The following ABCC4 variants were observed in gnomAD, a reference collection of about 807,000 sequenced individuals.
ABCC4 encodes the protein ATP binding cassette subfamily C member 4 (PEL blood group).
A neutral mutation model predicts 168.5 loss-of-function variants in ABCC4; 102 were observed. The observed-to-expected ratio is 0.61, with a 90% CI of 0.52 to 0.71. The LOEUF is 0.71. ABCC4 is among the 30% of genes least tolerant of loss of function. ABCC4 has a pLI of 0.00. For synonymous variants in ABCC4, 617 were observed against 590.7 expected (o/e 1.04, Z -0.65); for missense variants, 1,402 against 1,605.8 (o/e 0.87, Z 2.17).
chr13:95,034,777 G>A, intron 29 of ABCC4, 38 bp from the exon 30 acceptor site: 13 of 1,612,876 alleles, frequency 8.1e-6, no homozygotes, highest in Non-Finnish European at 1.1e-5. Flanking sequence ...GAAACACAAT[G>A]TTTTGCAGTA....
At chr13:95,072,293 T>A (rs1388892897) in intron 24 of ABCC4, among the ~76,000 whole-genome samples, 4 of 152,140 alleles carry the variant, frequency 2.6e-5, no homozygotes, top group Non-Finnish European at 5.9e-5. Flanking sequence ...AAACCCCATT[T>A]CTACTAAAAA....
chr13:95,095,985 A>G (rs2034583456), intron 20 of ABCC4: 1 of 396,226 alleles, frequency 2.5e-6, no homozygotes, highest in South Asian at 1.2e-4. Context: ...CAATAAACAT[A>G]AAAAGATGAA....
intron 25 of ABCC4, 91 bp downstream of exon 25, chr13:95,071,571 G>A: frequency 1.8e-6 from 2 of 1,139,876 alleles, no homozygotes; most frequent in Non-Finnish European, 2.4e-6. Context: ...ACGTATCACT[G>A]ATCCCCTTCA....
At chr13:95,218,917 GAGAAAGAAAGAGAA>G (rs1566539337) in intron 4 of ABCC4, among the ~76,000 whole-genome samples, 19 of 36,080 alleles carry the variant, frequency 5.3e-4, no homozygotes, top group Middle Eastern at 9.6e-3. Context: ...GAGAGAGAGA[GAGAAAGAAAGAGAA>G]AGAAAGAAAG....
intron 26 of ABCC4, among the ~76,000 whole-genome samples, chr13:95,061,594 T>TTGTGTG (rs57517042): frequency 0.017 from 2,320 of 133,878 alleles, 24 homozygotes; most frequent in Non-Finnish European, 0.022. Flanking sequence ...GAATATGTGT[T>TTGTGTG]TGTGTGTGTG....
chr13:95,165,511 T>A (rs2037241572), intron 15 of ABCC4, among the ~76,000 whole-genome samples: 1 of 152,192 alleles, frequency 6.6e-6, no homozygotes, highest in Non-Finnish European at 1.5e-5. Flanking sequence ...GGCATGAGAT[T>A]CACATACTCT....
intron 1 of ABCC4, among the ~76,000 whole-genome samples, chr13:95,282,519 TTTTTC>T (rs1464245177): frequency 6.6e-6 from 1 of 151,862 alleles, no homozygotes; most frequent in African/African-American, 2.4e-5. Flanking sequence ...CTAAAGTATG[TTTTTC>T]TTTTATTTTT....
intron 18 of ABCC4, among the ~76,000 whole-genome samples, chr13:95,162,776 A>G (rs1403082827): frequency 1.3e-5 from 2 of 152,184 alleles, no homozygotes; most frequent in Non-Finnish European, 2.9e-5. Flanking sequence ...CAGGGTGGAG[A>G]TCCGTTTCTA....
At chr13:95,209,301 A>G in intron 6 of ABCC4, 133 bp downstream of exon 6, 5 of 1,084,396 alleles carry the variant, frequency 4.6e-6, no homozygotes, top group East Asian at 2.7e-5. Flanking sequence ...CCCTTGGCTG[A>G]GCCTGAAGAG....
intron 25 of ABCC4, among the ~76,000 whole-genome samples, chr13:95,070,644 G>C (rs2033692986): frequency 6.6e-6 from 1 of 152,116 alleles, no homozygotes; most frequent in Non-Finnish European, 1.5e-5. Context: ...CCTCCAGCTT[G>C]GGGGTCTGAT....
intron 30 of ABCC4, 68 bp from the exon 31 acceptor site, chr13:95,021,750 G>T (rs964743767): frequency 6.7e-6 from 7 of 1,048,926 alleles, no homozygotes; most frequent in Admixed American, 2.1e-5. Flanking sequence ...CTGAAACAAT[G>T]CACTTCTGTG....
At chr13:95,081,074 G>A (rs940323643) in intron 21 of ABCC4, among the ~76,000 whole-genome samples, 2 of 152,178 alleles carry the variant, frequency 1.3e-5, no homozygotes, top group Admixed American at 6.5e-5. Flanking sequence ...CTGAGCGCAT[G>A]GAGAAAGAAT....
At chr13:95,255,490 G>A (rs375959205) in intron 1 of ABCC4, among the ~76,000 whole-genome samples, 2 of 152,128 alleles carry the variant, frequency 1.3e-5, no homozygotes, top group East Asian at 1.9e-4. Flanking sequence ...AATGGATCTC[G>A]CGTGAGGGTA....
At chr13:95,049,106 G>A (rs1465448628) in intron 27 of ABCC4, among the ~76,000 whole-genome samples, 1 of 152,166 alleles carries the variant, frequency 6.6e-6, no homozygotes, top group African/African-American at 2.4e-5. Context: ...GGCCGAGACA[G>A]GCAGATCACT....
intron 19 of ABCC4, among the ~76,000 whole-genome samples, chr13:95,157,901 T>C (rs2036927932): frequency 6.6e-6 from 1 of 151,456 alleles, no homozygotes; most frequent in African/African-American, 2.4e-5. Flanking sequence ...GAAACCCGTC[T>C]CTACTAAAAA....
intron 1 of ABCC4, among the ~76,000 whole-genome samples, chr13:95,279,504 CTG>C (rs956041510): frequency 5.3e-5 from 8 of 152,130 alleles, no homozygotes; most frequent in African/African-American, 1.9e-4. Flanking sequence ...AGGTAGGAAA[CTG>C]TTCACGAAAA....
chr13:95,052,693 CTA>C (rs1325280330), intron 27 of ABCC4, among the ~76,000 whole-genome samples: 2 of 151,668 alleles, frequency 1.3e-5, no homozygotes, highest in Non-Finnish European at 2.9e-5. Context: ...TAAATATGAT[CTA>C]TCTTTTAGTT....
intron 1 of ABCC4, among the ~76,000 whole-genome samples, chr13:95,262,868 C>G (rs537902358): frequency 1.3e-5 from 2 of 152,336 alleles, no homozygotes; most frequent in East Asian, 3.9e-4. Context: ...CTGCTGACCT[C>G]AAGCAATCCA....
intron 1 of ABCC4, among the ~76,000 whole-genome samples, chr13:95,256,652 G>C (rs2040399857): frequency 6.6e-6 from 1 of 152,106 alleles, no homozygotes; most frequent in East Asian, 1.9e-4. Context: ...CAGCTACTCA[G>C]GAGACTGAGG....
Sources: allele counts gnomAD v4.1 joint callset (sites outside exome capture counted in the v4.1 genomes callset), GRCh38; gene constraint gnomAD v4.1.1; transcripts MANE v1.5; gene names NCBI Gene and HGNC (gene_info 2026-07-23, HGNC 2026-07-21).